The following NOX4 variants were observed in gnomAD, a reference collection of about 807,000 sequenced individuals.
NOX4 encodes the protein kidney oxidase-1.
Under a neutral mutation model 87.6 loss-of-function variants are expected in NOX4, and 69 were observed. The observed-to-expected ratio is 0.79, with a 90% confidence interval of 0.65 to 0.96. The LOEUF (loss-of-function observed/expected upper bound fraction) is 0.96, where lower values mean the gene tolerates loss of function less well. Among genes scored for constraint, NOX4 ranks in the 40% least tolerant of loss-of-function variants. NOX4 has a pLI of 0.00. For synonymous variants in NOX4, 275 were observed against 238.2 expected (o/e 1.15, Z -1.42); for missense variants, 680 against 681.5 (o/e 1.00, Z 0.02).
intron 2 of NOX4, among the ~76,000 whole-genome samples, chr11:89,486,608 ATG>A (rs1390774277): frequency 1.8e-5 from 2 of 111,454 alleles, no homozygotes; most frequent in African/African-American, 8.0e-5. Flanking sequence ...ATACATATAT[ATG>A]TGTGTATATA....
chr11:89,497,348 T>G (rs1010227047), intron 1 of NOX4, among the ~76,000 whole-genome samples: 6 of 152,214 alleles, frequency 3.9e-5, no homozygotes, highest in South Asian at 2.1e-4. Flanking sequence ...AATCCATGTT[T>G]TCTGGTTGCA....
chr11:89,585,253 C>T, the NOX4 span, among the ~76,000 whole-genome samples: 1 of 152,154 alleles, frequency 6.6e-6, no homozygotes, highest in Non-Finnish European at 1.5e-5. Flanking sequence ...TTGCTCAATG[C>T]TGCTCCTCCT....
chr11:89,508,229 A>G, the NOX4 span, among the ~76,000 whole-genome samples: 1 of 152,040 alleles, frequency 6.6e-6, no homozygotes, highest in African/African-American at 2.4e-5. Context: ...AACATCCTCA[A>G]AAGTGAAGTT....
chr11:89,541,480 C>T, the NOX4 span, among the ~76,000 whole-genome samples: 1 of 152,146 alleles, frequency 6.6e-6, no homozygotes, highest in Admixed American at 6.5e-5. Flanking sequence ...CAATACACTA[C>T]CAGGTATTAG....
the NOX4 span, among the ~76,000 whole-genome samples, chr11:89,573,805 G>A: frequency 6.6e-6 from 1 of 152,162 alleles, no homozygotes; most frequent in African/African-American, 2.4e-5. Flanking sequence ...GACTTTGTAG[G>A]CTGGCATCTT....
rs1260485388 is a variant in NOX4 at position 89,333,668 on chromosome 11, T to C, written c.1616+2177A>G. On this transcript the variant is annotated intron_variant, in intron 17 of 17. Coordinates refer to ENST00000263317, the MANE Select transcript of NOX4 (RefSeq NM_016931.5). ...CCTGTCTTCCCTACTGTTATCTCTA[T>C]ATGTTTTCAGCAATTTGTGTGCATG... Among the ~76,000 whole-genome samples the C allele has an allele frequency of 1.3e-5, 2 of 151,946 alleles. 1 individual carries two copies. The highest frequency in any genetic ancestry group is 4.2e-4 in the South Asian group (2 of 4,816).
intron 3 of NOX4, among the ~76,000 whole-genome samples, chr11:89,450,436 G>T (rs369062669): frequency 1.3e-5 from 2 of 151,910 alleles, no homozygotes; most frequent in East Asian, 3.9e-4. Flanking sequence ...GAATCAACAC[G>T]CACACACACA....
chr11:89,469,027 G>A (rs976219498), intron 2 of NOX4, among the ~76,000 whole-genome samples: 2 of 152,142 alleles, frequency 1.3e-5, no homozygotes, highest in Non-Finnish European at 2.9e-5. Context: ...ACCACACAAG[G>A]CCTGAAAGCT....
intron 3 of NOX4, among the ~76,000 whole-genome samples, chr11:89,450,326 T>A (rs1392114873): frequency 1.3e-5 from 2 of 152,180 alleles, no homozygotes; most frequent in Non-Finnish European, 2.9e-5. Context: ...TCTGCACACA[T>A]TAAATTCATA....
At chr11:89,384,409 C>T (rs1940531502) in intron 11 of NOX4, among the ~76,000 whole-genome samples, 1 of 152,166 alleles carries the variant, frequency 6.6e-6, no homozygotes, top group Non-Finnish European at 1.5e-5. Context: ...TCTTCCTCAT[C>T]CATTACCTAT....
chr11:89,400,081 TA>T lies in NOX4; in HGVS notation c.1012-3del. On this transcript the variant is annotated splice_region_variant and splice_polypyrimidine_tract_variant and intron_variant, in intron 10 of 17. Transcript: ENST00000263317. ...ACTGGGACAATGTAGAGTAATATACTAAAAAGCAACAAACAGATAAGTTTTA... is the reference window on the plus strand; with the variant it reads ...ACTGGGACAATGTAGAGTAATATACTAAAAGCAACAAACAGATAAGTTTTA... 1.2e-6 allele frequency: 2 copies of T among 1,601,732 alleles called. No homozygotes were observed. The highest frequency in any genetic ancestry group is 1.7e-5 in the Admixed American group (1 of 59,238).
the NOX4 span, among the ~76,000 whole-genome samples, chr11:89,571,314 T>A: frequency 1.3e-5 from 2 of 152,158 alleles, no homozygotes; most frequent in East Asian, 1.9e-4. Context: ...TTATACTTTT[T>A]TTTTTTTTCG....
At chr11:89,422,539 T>G (rs1253847028) in intron 7 of NOX4, among the ~76,000 whole-genome samples, 1 of 152,170 alleles carries the variant, frequency 6.6e-6, no homozygotes, top group Non-Finnish European at 1.5e-5. Context: ...AAGCATAATC[T>G]ACAGAATGTT....
In NOX4 at chr11:89,373,616, A is replaced by G. The variant is rs1939621787; in HGVS notation, c.1075-124T>C. ...AATAGATAACAGGAAGGAACAGACT[A>G]AAATCTATACAGATCCTTATTAGTG... On this transcript the variant is annotated intron_variant, in intron 11 of 17. Coordinates refer to ENST00000263317, the MANE Select transcript of NOX4 (RefSeq NM_016931.5). 2.1e-5 allele frequency: 14 copies of G among 662,576 alleles called. No individual in the cohort carries two copies. In the South Asian group the frequency reaches 2.3e-4, roughly 11 times the overall value. The allele number at this position is 662,576 out of a possible 1,614,324, so 41.0% of individuals were successfully genotyped here. A position where few individuals can be genotyped will look rare whatever the true frequency, so the allele number is the denominator to read the frequency against.
intron 8 of NOX4, among the ~76,000 whole-genome samples, chr11:89,417,716 T>C (rs1316215175): frequency 6.6e-6 from 1 of 152,104 alleles, no homozygotes. Context: ...GTGTCATTCT[T>C]ACAAAGCTAT....
At chr11:89,355,680 A>C (rs761144826) in intron 12 of NOX4, among the ~76,000 whole-genome samples, 1 of 152,132 alleles carries the variant, frequency 6.6e-6, no homozygotes. Context: ...GATGTTGATC[A>C]ACCTAAGCTC....
chr11:89,375,762 C>T (rs1262768409), intron 11 of NOX4, among the ~76,000 whole-genome samples: 6 of 152,318 alleles, frequency 3.9e-5, no homozygotes, highest in East Asian at 1.9e-4. Flanking sequence ...GCTCTCAGAA[C>T]GCAAGATACC....
At chr11:89,568,216 T>C in the NOX4 span, among the ~76,000 whole-genome samples, 3 of 151,944 alleles carry the variant, frequency 2.0e-5, no homozygotes, top group Admixed American at 6.6e-5. Flanking sequence ...ACCGGAAAAC[T>C]AGCAGAAGAA....
At chr11:89,464,194 C>T (rs1221635188) in intron 2 of NOX4, among the ~76,000 whole-genome samples, 1 of 151,966 alleles carries the variant, frequency 6.6e-6, no homozygotes. Context: ...TTAAATCCCA[C>T]AGTAATTTAA....
Sources: gnomAD v4.1 joint callset for allele counts (sites outside exome capture counted in the v4.1 genomes callset) on GRCh38, gnomAD v4.1.1 for gene constraint, MANE v1.5 for transcripts, NCBI Gene and HGNC (gene_info 2026-07-23, HGNC 2026-07-21) for gene names.